The following CCSER1 variants were observed in gnomAD, a reference collection of about 807,000 sequenced individuals.
The protein encoded by CCSER1 is coiled-coil serine rich protein 1, also known as serine-rich coiled-coil domain-containing protein 1.
In CCSER1, 41 loss-of-function variants were observed where a neutral mutation model predicts 82.0. The ratio of observed to expected loss-of-function variants is 0.50; its 90% CI spans 0.39 to 0.65. The LOEUF is 0.65. Among genes scored for constraint, CCSER1 ranks in the 30% least tolerant of loss-of-function variants. The pLI is 0.00. For missense variants in CCSER1, 1,119 were observed against 1,064.2 expected (o/e 1.05, Z -0.72); for synonymous variants, 414 against 383.9 (o/e 1.08, Z -0.92).
intron 7 of CCSER1, among the ~76,000 whole-genome samples, chr4:90,809,867 A>G (rs115227098): frequency 2.6e-5 from 4 of 151,422 alleles, no homozygotes; most frequent in East Asian, 2.0e-4. Context: ...ACTCCAGACT[A>G]CTAGACAGAG....
At chr4:90,562,141 G>T (rs1395826596) in intron 5 of CCSER1, among the ~76,000 whole-genome samples, 1 of 138,346 alleles carries the variant, frequency 7.2e-6, no homozygotes, top group Non-Finnish European at 1.5e-5. Flanking sequence ...AGTGAGCCCA[G>T]ATTATGCCAT....
intron 1 of CCSER1, among the ~76,000 whole-genome samples, chr4:90,232,304 T>A (rs1744756531): frequency 6.6e-6 from 1 of 150,742 alleles, no homozygotes; most frequent in Non-Finnish European, 1.5e-5. Flanking sequence ...AACAGAGCCC[T>A]CAGAAATAAT....
At chr4:90,177,239 C>T (rs1732878667) in intron 1 of CCSER1, among the ~76,000 whole-genome samples, 1 of 152,044 alleles carries the variant, frequency 6.6e-6, no homozygotes, top group Non-Finnish European at 1.5e-5. Flanking sequence ...CAGGGCAAGA[C>T]AGGAAAAAAT....
intron 10 of CCSER1, among the ~76,000 whole-genome samples, chr4:91,516,135 AT>A (rs1760108359): frequency 6.6e-6 from 1 of 151,988 alleles, no homozygotes; most frequent in Non-Finnish European, 1.5e-5. Context: ...TAGTTTGTAA[AT>A]ATTTTTTCCC....
At chr4:91,223,134 G>A (rs576858925) in intron 10 of CCSER1, among the ~76,000 whole-genome samples, 5 of 151,786 alleles carry the variant, frequency 3.3e-5, no homozygotes, top group Non-Finnish European at 2.9e-5. Context: ...CAAATCTTAT[G>A]AGTTTTGCTA....
At chr4:91,045,989 A>T (rs536981018) in intron 9 of CCSER1, among the ~76,000 whole-genome samples, 1 of 150,796 alleles carries the variant, frequency 6.6e-6, no homozygotes, top group South Asian at 2.1e-4. Flanking sequence ...GGCAGGGGTC[A>T]CAAGGTGCTC....
intron 10 of CCSER1, among the ~76,000 whole-genome samples, chr4:91,418,525 T>G (rs964028885): frequency 6.6e-6 from 1 of 151,752 alleles, no homozygotes; most frequent in Admixed American, 6.6e-5. Context: ...GACTAAATCA[T>G]AAAGAAATAG....
At chr4:90,298,733 G>A (rs961525653) in intron 1 of CCSER1, among the ~76,000 whole-genome samples, 1 of 152,002 alleles carries the variant, frequency 6.6e-6, no homozygotes, top group African/African-American at 2.4e-5. Context: ...CTTTATTTCT[G>A]CCTTCATTTC....
chr4:90,225,565 T>A (rs1336079688), intron 1 of CCSER1, among the ~76,000 whole-genome samples: 1 of 152,160 alleles, frequency 6.6e-6, no homozygotes, highest in African/African-American at 2.4e-5. Flanking sequence ...AATAGAGGCT[T>A]ATAGAGGCTA....
At chr4:91,072,679 A>T (rs777519191) in intron 9 of CCSER1, among the ~76,000 whole-genome samples, 5 of 152,050 alleles carry the variant, frequency 3.3e-5, no homozygotes, top group Admixed American at 1.3e-4. Flanking sequence ...GTAATGAGAT[A>T]CTCTGGGCTC....
At chr4:90,688,594 A>AT (rs897821150) in intron 6 of CCSER1, among the ~76,000 whole-genome samples, 2 of 152,078 alleles carry the variant, frequency 1.3e-5, no homozygotes, top group South Asian at 2.1e-4. Context: ...AGACCCACTA[A>AT]TTTTTCAAGT....
intron 7 of CCSER1, among the ~76,000 whole-genome samples, chr4:90,745,440 T>C (rs1747250800): frequency 6.6e-6 from 1 of 152,184 alleles, no homozygotes; most frequent in South Asian, 2.1e-4. Flanking sequence ...CCCTTTGCCA[T>C]GGATATCTGT....
chr4:90,916,244 G>C (rs7694360), intron 8 of CCSER1, among the ~76,000 whole-genome samples: 70,906 of 151,874 alleles, frequency 0.47, 18,198 homozygotes, highest in African/African-American at 0.7. Context: ...TGGAGGCATC[G>C]CGCTACCTGA....
At chr4:90,693,710 C>T (rs1736451168) in intron 6 of CCSER1, among the ~76,000 whole-genome samples, 2 of 151,828 alleles carry the variant, frequency 1.3e-5, no homozygotes, top group Admixed American at 1.3e-4. Context: ...CTCTCCAAGC[C>T]TCAGTTTCTT....
intron 6 of CCSER1, among the ~76,000 whole-genome samples, chr4:90,666,116 C>T (rs1453164347): frequency 6.6e-6 from 1 of 152,104 alleles, no homozygotes; most frequent in Non-Finnish European, 1.5e-5. Context: ...ATCTGCCTGA[C>T]ATCCCCCCTC....
chr4:90,953,403 A>G (rs994976934), intron 9 of CCSER1, among the ~76,000 whole-genome samples: 1 of 151,824 alleles, frequency 6.6e-6, no homozygotes, highest in East Asian at 1.9e-4. Context: ...TTTACAATGA[A>G]ACTTTTCTTA....
chr4:90,555,576 G>A (rs1778033091), intron 5 of CCSER1, among the ~76,000 whole-genome samples: 1 of 151,998 alleles, frequency 6.6e-6, no homozygotes. Flanking sequence ...TTACACCTTT[G>A]CAAGTGTCAG....
chr4:90,446,183 C>A (rs771086365), intron 4 of CCSER1, among the ~76,000 whole-genome samples: 36 of 152,128 alleles, frequency 2.4e-4, no homozygotes, highest in Admixed American at 5.9e-4. Context: ...TATTTGAGTT[C>A]TTTGTGTTAT....
rs569156174 is a variant in CCSER1 at position 91,117,840 on chromosome 4, T to G, written c.2217+31846T>G. On this transcript the variant is annotated intron_variant, in intron 10 of 10. Transcript: ENST00000509176. ...ATATTATTTAAACCTATTTTCTTAT[T>G]TTCATTCATTTGTAAACACTGGAAA... 6.6e-5 allele frequency among the ~76,000 whole-genome samples: 10 copies of G among 152,308 alleles called. 1 individual carries two copies. The highest frequency in any genetic ancestry group is 3.4e-3 in the Middle Eastern group (1 of 294).
Sources: allele counts gnomAD v4.1 joint callset (sites outside exome capture counted in the v4.1 genomes callset), GRCh38; gene constraint gnomAD v4.1.1; transcripts MANE v1.5; gene names NCBI Gene and HGNC (gene_info 2026-07-23, HGNC 2026-07-21).